The following BICD1 variants were observed in gnomAD, a reference collection of about 807,000 sequenced individuals.
BICD1 encodes the protein protein bicaudal D homolog 1.
BICD1 carries 35 observed loss-of-function variants against 92.5 expected under a neutral mutation model. That is an observed-to-expected ratio of 0.38 (90% CI 0.29 to 0.50). BICD1 has a LOEUF of 0.50. Among genes scored for constraint, BICD1 ranks in the 20% least tolerant of loss-of-function variants. The pLI is 0.93. For synonymous variants in BICD1, 429 were observed against 465.1 expected (o/e 0.92, Z 1.00); for missense variants, 950 against 1,189.8 (o/e 0.80, Z 2.97).
intron 5 of BICD1, among the ~76,000 whole-genome samples, chr12:32,330,989 C>T (rs551989704): frequency 6.6e-6 from 1 of 152,158 alleles, no homozygotes; most frequent in Non-Finnish European, 1.5e-5. Flanking sequence ...ACAAAATTAA[C>T]CAGGCGTGGT....
At chr12:32,241,390 T>C (rs1356959101) in intron 2 of BICD1, among the ~76,000 whole-genome samples, 1 of 152,198 alleles carries the variant, frequency 6.6e-6, no homozygotes, top group Non-Finnish European at 1.5e-5. Flanking sequence ...TCTCTCCCCA[T>C]GGACTGCACC....
intron 2 of BICD1, among the ~76,000 whole-genome samples, chr12:32,238,736 G>A (rs1340286376): frequency 6.7e-6 from 1 of 148,430 alleles, no homozygotes; most frequent in African/African-American, 2.5e-5. Flanking sequence ...CCTAAGGTCA[G>A]GAGTTTAAGA....
At chr12:32,123,552 C>T (rs1188228051) in intron 1 of BICD1, among the ~76,000 whole-genome samples, 1 of 152,092 alleles carries the variant, frequency 6.6e-6, no homozygotes, top group Non-Finnish European at 1.5e-5. Context: ...CTGATTTAGG[C>T]TGGGAAAAAA....
intron 1 of BICD1, among the ~76,000 whole-genome samples, chr12:32,174,589 A>G (rs151180859): frequency 7.2e-5 from 11 of 152,102 alleles, no homozygotes; most frequent in Non-Finnish European, 1.3e-4. Context: ...TAATCAAACT[A>G]TCTTGCCCTA....
chr12:32,107,205 A>G lies in BICD1; in HGVS notation c.-127A>G, dbSNP rs1941502713. ...GAGCCGGCGGGGCATCGCGCTGCTC[A>G]TTCATCCGGCCGCACTTTCTTTTCC... On this transcript the variant is annotated 5_prime_UTR_variant, in exon 1 of 10. Transcript: ENST00000652176. 2.2e-6 allele frequency: 2 copies of G among 920,534 alleles called. No homozygotes were observed. The highest frequency in any genetic ancestry group is 3.3e-6 in the Non-Finnish European group (2 of 615,110). The allele number at this position is 920,534 out of a possible 1,614,324, so 57.0% of individuals were successfully genotyped here.
chr12:32,321,842 T>C (rs927502736), intron 4 of BICD1, among the ~76,000 whole-genome samples: 1 of 151,750 alleles, frequency 6.6e-6, no homozygotes, highest in African/African-American at 2.4e-5. Flanking sequence ...CTGCTAAAAA[T>C]ACAAAAATTA....
intron 1 of BICD1, among the ~76,000 whole-genome samples, chr12:32,139,689 A>G (rs1942843874): frequency 6.6e-6 from 1 of 152,062 alleles, no homozygotes; most frequent in Non-Finnish European, 1.5e-5. Flanking sequence ...TTAGCCTCCC[A>G]AGTAGCTGGG....
intron 1 of BICD1, among the ~76,000 whole-genome samples, chr12:32,182,772 TAAAAG>T (rs1944312649): frequency 6.6e-6 from 1 of 151,350 alleles, no homozygotes; most frequent in Admixed American, 6.6e-5. Context: ...GGGTTAGAAA[TAAAAG>T]AAAATTAAAA....
chr12:32,240,961 T>C (rs1037472057), intron 2 of BICD1, among the ~76,000 whole-genome samples: 7 of 152,070 alleles, frequency 4.6e-5, no homozygotes, highest in Admixed American at 4.6e-4. Context: ...TACTCACCCA[T>C]TCATTTATTT....
rs757145184 is a variant in BICD1 at position 32,305,705 on chromosome 12, C to T, written c.588C>T (p.Tyr196=). 1.1e-5 allele frequency: 18 copies of T among 1,605,680 alleles called. No homozygotes were observed. The South Asian group carries it at 1.6e-4, about 14-fold the overall frequency. ...VSTLKQNQVE[Y]EGLKHEIKRF... ...TATCCTGTCTGATTCAGGTTGAATA[C>T]GAAGGCTTAAAGCATGAGATTAAGC... Residue 196 remains tyrosine, a synonymous_variant, in exon 4 of 10, where the codon TAC becomes TAT. Coordinates refer to ENST00000652176, the MANE Select transcript of BICD1 (RefSeq NM_001714.4).
intron 1 of BICD1, among the ~76,000 whole-genome samples, chr12:32,190,220 A>G (rs183785332): frequency 1.3e-3 from 191 of 152,356 alleles, no homozygotes; most frequent in African/African-American, 4.1e-3. Context: ...AAAACAAAAC[A>G]AAATAGTTAA....
intron 2 of BICD1, among the ~76,000 whole-genome samples, chr12:32,242,484 G>C (rs1291958940): frequency 2.0e-5 from 3 of 151,794 alleles, no homozygotes; most frequent in Non-Finnish European, 4.4e-5. Context: ...CTGAGATCGT[G>C]CCACTGCACT....
Position 32,328,466 on chromosome 12 carries a change from A to G in BICD1, c.2011A>G (p.Met671Val). The change falls in exon 5 of 10, where the codon ATG becomes GTG. Residue 671 changes from methionine to valine, a missense_variant. Physicochemically the swap from Met to Val is conservative, Grantham distance 21. This residue lies in a region of BICD1 where 309 missense variants were observed against 499.4 expected (regional missense o/e 0.62). Transcript: ENST00000652176. The surrounding 1 kb of genome is among the most constrained non-coding windows in gnomAD (Gnocchi z 4.4). The stretch of plus-strand genomic sequence containing the variant: ...GATTGATAAAGACAAGGAAGCCTTA[A>G]TGGAAGAGATCCTCAAGCTAAAGTC... The part of the protein sequence containing the change: ...PMIDKDKEAL[M>V]EEILKLKSLL... 6.2e-7 allele frequency: 1 copy of G among 1,614,206 alleles called. No homozygotes were observed. Among genetic ancestry groups the G allele is most frequent in the Non-Finnish European group, 8.5e-7 (1 of 1,180,032 alleles).
rs370671051 is a variant in BICD1, at chr12:32,291,368, C to T, written c.427-2626C>T. 3.9e-5 allele frequency among the ~76,000 whole-genome samples: 6 copies of T among 152,048 alleles called. No homozygotes were observed. In the South Asian group the frequency reaches 1.2e-3, roughly 32 times the overall value. The stretch of plus-strand genomic sequence containing the variant: ...CTTAGGCAACATGGCGAGACCCCAC[C>T]TCTATAAAAAATTTAAAAATTAGCT... On this transcript the variant is annotated intron_variant, in intron 2 of 9. Coordinates refer to ENST00000652176, the MANE Select transcript of BICD1 (RefSeq NM_001714.4).
intron 1 of BICD1, among the ~76,000 whole-genome samples, chr12:32,215,911 A>T (rs962675502): frequency 7.5e-6 from 1 of 133,814 alleles, no homozygotes; most frequent in Admixed American, 9.4e-5. Flanking sequence ...CCGAGATTGC[A>T]CCACTGCCCT....
intron 2 of BICD1, among the ~76,000 whole-genome samples, chr12:32,220,426 G>A (rs984632504): frequency 6.6e-6 from 1 of 152,124 alleles, no homozygotes; most frequent in African/African-American, 2.4e-5. Flanking sequence ...GTCAAAAAGT[G>A]GGCGAAGGAC....
intron 1 of BICD1, among the ~76,000 whole-genome samples, chr12:32,175,496 T>C (rs1175321047): frequency 6.6e-6 from 1 of 152,094 alleles, no homozygotes; most frequent in East Asian, 1.9e-4. Context: ...TTTGTATTTT[T>C]AGTAGAGACG....
intron 8 of BICD1, chr12:32,340,676 A>G (rs1260490823): frequency 3.0e-6 from 1 of 329,610 alleles, no homozygotes; most frequent in Non-Finnish European, 4.3e-6. Flanking sequence ...TGTTATCATT[A>G]CATTGTTTAA....
chr12:32,259,416 A>G (rs548980356), intron 2 of BICD1, among the ~76,000 whole-genome samples: 1 of 152,380 alleles, frequency 6.6e-6, no homozygotes, highest in East Asian at 1.9e-4. Context: ...AAAGCAATGT[A>G]TCAGTGGACT....
Sources: allele counts gnomAD v4.1 joint callset (sites outside exome capture counted in the v4.1 genomes callset), GRCh38; gene constraint gnomAD v4.1.1; regional missense constraint gnomAD v4.1.1; non-coding constraint Gnocchi (gnomAD v3.1); transcripts MANE v1.5; gene names NCBI Gene and HGNC (gene_info 2026-07-23, HGNC 2026-07-21).